CC2D2A: variants seen among roughly 807,000 people sequenced by gnomAD.
The protein encoded by CC2D2A is coiled-coil and C2 domain containing 2A.
Under a neutral mutation model 212.9 loss-of-function variants are expected in CC2D2A, and 155 were observed. The observed-to-expected ratio is 0.73, with a 90% CI of 0.64 to 0.83. CC2D2A has a LOEUF of 0.83. Ranked by LOEUF, CC2D2A falls within the 40% of genes least tolerant of loss-of-function variation. CC2D2A has a pLI of 0.00. For synonymous variants in CC2D2A, 667 were observed against 686.5 expected (o/e 0.97, Z 0.44); for missense variants, 1,856 against 1,956.2 (o/e 0.95, Z 0.97).
intron 11 of CC2D2A, 142 bp downstream of exon 11, chr4:15,516,898 G>A (rs1390283456): frequency 2.9e-6 from 2 of 696,108 alleles, no homozygotes; most frequent in Non-Finnish European, 4.3e-6. Flanking sequence ...ACAAACATCA[G>A]GCATATTATG....
Position 15,537,058 on chromosome 4 carries a change from G to T in CC2D2A, c.1746G>T (p.Lys582Asn), listed in dbSNP as rs1364422887. Reference sequence around the variant, plus strand: ...ACAGAACGTCGTTACAACAGTGGAAGGCCTGGAGGAAAGTGCAAGTGTGTA... The same window carrying T: ...ACAGAACGTCGTTACAACAGTGGAATGCCTGGAGGAAAGTGCAAGTGTGTA... ...EEYRTSLQQWKAWRKVQRAKK... is the reference protein window; with the variant it reads ...EEYRTSLQQWNAWRKVQRAKK... The change falls in exon 15 of 37, where the codon AAG (lysine) becomes AAT (asparagine). Residue 582 changes from lysine (K) to asparagine (N), a missense_variant. Physicochemically the swap from Lys to Asn is moderately conservative, Grantham distance 94. This residue lies in a region of CC2D2A where 1,512 missense variants were observed against 1,579.3 expected (regional missense o/e 0.96). Coordinates refer to ENST00000424120, the MANE Select transcript of CC2D2A (RefSeq NM_001378615.1). 1 of 1,613,498 alleles carries T rather than the reference G, an allele frequency of 6.2e-7. No homozygotes were observed. Among genetic ancestry groups the T allele is most frequent in the Admixed American group, 1.7e-5 (1 of 60,008 alleles).
intron 4 of CC2D2A, among the ~76,000 whole-genome samples, chr4:15,488,645 C>G (rs572527613): frequency 6.6e-6 from 1 of 152,292 alleles, no homozygotes; most frequent in East Asian, 1.9e-4. Context: ...TTTTACTTCC[C>G]AAACTTCTCA....
rs148348460 is a variant in CC2D2A at position 15,480,816 on chromosome 4, G to A, written c.236G>A (p.Arg79Lys). The change falls in exon 4 of 37, where the codon AGA becomes AAA. Residue 79 changes from arginine to lysine, a missense_variant. Transcript: ENST00000424120. ...KTRLLSMTVR[R>K]GPRSLPPIPS... Reference sequence around the variant, plus strand: ...CGCCTCCTGAGTATGACAGTCCGGAGAGGCCCACGGAGTAAGTGCCCCTCT... The same window carrying A: ...CGCCTCCTGAGTATGACAGTCCGGAAAGGCCCACGGAGTAAGTGCCCCTCT... 1.2e-6 allele frequency: 2 copies of A among 1,612,196 alleles called. No individual in the cohort carries two copies. Among genetic ancestry groups the A allele is most frequent in the Non-Finnish European group, 8.5e-7 (1 of 1,178,912 alleles).
At position 15,596,223 on chromosome 4, in the gene CC2D2A, T is replaced by A; in HGVS notation, c.4437+16T>A. ...CAGTGTTCAGGTATAAATCTTTTATTAACAGTTAAATGTAGACAAAGTAAA... is the reference window on the plus strand; with the variant it reads ...CAGTGTTCAGGTATAAATCTTTTATAAACAGTTAAATGTAGACAAAGTAAA... On this transcript the variant is annotated intron_variant, in intron 34 of 36. Transcript: ENST00000424120. 1 of 1,499,646 alleles carries A rather than the reference T, an allele frequency of 6.7e-7. No homozygotes were observed. The highest frequency in any genetic ancestry group is 8.9e-7 in the Non-Finnish European group (1 of 1,125,292). 92.9% of individuals were successfully genotyped at this position (1,499,646 alleles called of 1,614,324 possible). A position where few individuals can be genotyped will look rare whatever the true frequency, so the allele number is the denominator to read the frequency against.
chr4:15,600,029 T>A (rs892084775), intron 36 of CC2D2A, among the ~76,000 whole-genome samples: 1 of 152,206 alleles, frequency 6.6e-6, no homozygotes, highest in African/African-American at 2.4e-5. Context: ...GCAGTTTTTT[T>A]AAGGATATGG....
intron 4 of CC2D2A, 91 bp from the exon 5 acceptor site, chr4:15,502,338 T>C (rs1715999032): frequency 2.0e-6 from 2 of 985,898 alleles, no homozygotes; most frequent in East Asian, 2.7e-5. Context: ...CCTTCCCTTT[T>C]GGGGGGAGGG....
chr4:15,509,493 T>G (rs545590605), intron 6 of CC2D2A, among the ~76,000 whole-genome samples: 5 of 152,168 alleles, frequency 3.3e-5, no homozygotes, highest in Non-Finnish European at 7.4e-5. Flanking sequence ...AGGCTGGTCT[T>G]GAACTCCTGA....
At position 15,538,132 on chromosome 4, in the gene CC2D2A, C is replaced by T; in HGVS notation, c.1998C>T (p.Cys666=). 1.3e-6 allele frequency: 2 copies of T among 1,564,058 alleles called. No individual in the cohort carries two copies. Among genetic ancestry groups the T allele is most frequent in the South Asian group, 1.2e-5 (1 of 84,482 alleles). The change falls in exon 16 of 37, where the codon TGC becomes TGT. Residue 666 remains cysteine (C), a synonymous_variant. Transcript: ENST00000424120. ...LAGSVTPNDQ[C]PRAEVSRRED... is the part of the protein sequence containing the mutation. ...GAAGCGTAACACCCAATGACCAGTG[C>T]CCCAGGTGAGTGGATGCTCCGACCG... is the stretch of plus-strand genomic sequence containing the variant.
At chr4:15,550,210 G>C (rs576689952) in intron 17 of CC2D2A, among the ~76,000 whole-genome samples, 1 of 152,338 alleles carries the variant, frequency 6.6e-6, no homozygotes, top group South Asian at 2.1e-4. Flanking sequence ...GCATCATAAT[G>C]AGACACACTG....
chr4:15,510,119 AT>A lies in CC2D2A; in HGVS notation c.439-13del, dbSNP rs749591324. Reference sequence around the variant, plus strand: ...TCTTGGGTTAAATGGTTTATCTATCATTTTTTTCCACTCATATAGCCAGGGA... The same window carrying A: ...TCTTGGGTTAAATGGTTTATCTATCATTTTTTCCACTCATATAGCCAGGGA... On this transcript the variant is annotated intron_variant, in intron 6 of 36. Transcript: ENST00000424120. 14 of 1,577,602 alleles carry A rather than the reference AT, an allele frequency of 8.9e-6. No homozygotes were observed. Among genetic ancestry groups the A allele is most frequent in the South Asian group, 7.8e-5 (7 of 89,348 alleles).
intron 4 of CC2D2A, among the ~76,000 whole-genome samples, chr4:15,495,017 AC>A (rs1295253229): frequency 6.6e-6 from 1 of 152,162 alleles, no homozygotes; most frequent in Non-Finnish European, 1.5e-5. Context: ...TCATTTTGTC[AC>A]CCAGGTAATC....
intron 6 of CC2D2A, 37 bp from the exon 7 acceptor site, chr4:15,510,102 T>G (rs371525911): frequency 2.6e-6 from 4 of 1,510,816 alleles, no homozygotes; most frequent in Non-Finnish European, 3.7e-6. Context: ...TTTCTTGGGT[T>G]AAATGGTTTA....
chr4:15,538,022 A>T lies in CC2D2A; in HGVS notation c.1888A>T (p.Ile630Leu). 3 of 1,608,838 alleles carry T rather than the reference A, an allele frequency of 1.9e-6. No homozygotes were observed. The highest frequency in any genetic ancestry group is 2.5e-6 in the Non-Finnish European group (3 of 1,177,796). Residue 630 changes from isoleucine (I) to leucine (L), a missense_variant, in exon 16 of 37, where the codon ATA (isoleucine) becomes TTA (leucine). This residue lies in a region of CC2D2A where 1,512 missense variants were observed against 1,579.3 expected (regional missense o/e 0.96). Coordinates refer to ENST00000424120, the MANE Select transcript of CC2D2A (RefSeq NM_001378615.1). ...SPPEPTDRAV[I>L]EQEVRERAAQ... is the part of the protein sequence containing the mutation. Reference sequence around the variant, plus strand: ...TCCAGAGCCCACTGATCGGGCAGTGATAGAGCAGGAGGTGAGGGAGAGAGC... The same window carrying T: ...TCCAGAGCCCACTGATCGGGCAGTGTTAGAGCAGGAGGTGAGGGAGAGAGC...
At chr4:15,578,135 A>T (rs1220935850) in intron 29 of CC2D2A, among the ~76,000 whole-genome samples, 2 of 152,146 alleles carry the variant, frequency 1.3e-5, no homozygotes, top group Non-Finnish European at 2.9e-5. Flanking sequence ...TACCTCTTTC[A>T]CTTAGTTACA....
Position 15,515,985 on chromosome 4 carries a change from G to C in CC2D2A, c.998G>C (p.Arg333Thr). 6.3e-7 allele frequency: 1 copy of C among 1,591,508 alleles called. No homozygotes were observed. The highest frequency in any genetic ancestry group is 8.6e-7 in the Non-Finnish European group (1 of 1,168,670). Residue 333 changes from arginine (R) to threonine (T), a missense_variant, in exon 10 of 37, where the codon AGA (arginine) becomes ACA (threonine). Transcript: ENST00000424120. ...ACCAATCAGAACATCATGGAGAACA[G>C]ATTGCTGATGCAGGACCCCGTAAGT... ...ARTNQNIMEN[R>T]LLMQDPERRW...
At chr4:15,483,714 CTCCT>C (rs1431528836) in intron 4 of CC2D2A, among the ~76,000 whole-genome samples, 6 of 152,202 alleles carry the variant, frequency 3.9e-5, no homozygotes, top group African/African-American at 1.4e-4. Flanking sequence ...TGCAATTGGG[CTCCT>C]TCCGGTTGTA....
At chr4:15,586,513 T>A (rs1056911677) in intron 31 of CC2D2A, among the ~76,000 whole-genome samples, 6 of 152,236 alleles carry the variant, frequency 3.9e-5, no homozygotes, top group Admixed American at 3.9e-4. Context: ...AGTATTACTG[T>A]AAAACTTCTT....
intron 1 of CC2D2A, among the ~76,000 whole-genome samples, chr4:15,475,146 C>A (rs372326410): frequency 1.1e-4 from 16 of 152,230 alleles, no homozygotes; most frequent in African/African-American, 3.9e-4. Flanking sequence ...TGGTGGCATG[C>A]GCCTGTAATC....
intron 14 of CC2D2A, among the ~76,000 whole-genome samples, chr4:15,536,193 CA>C (rs1171942302): frequency 6.6e-6 from 1 of 151,794 alleles, no homozygotes; most frequent in Non-Finnish European, 1.5e-5. Context: ...TCATTCTCAG[CA>C]AACTATCACA....
Sources: gnomAD v4.1 joint callset for allele counts (sites outside exome capture counted in the v4.1 genomes callset) on GRCh38, gnomAD v4.1.1 for gene constraint, gnomAD v4.1.1 regional missense constraint, MANE v1.5 for transcripts, NCBI Gene and HGNC (gene_info 2026-07-23, HGNC 2026-07-21) for gene names.